PLCG2: variants seen among roughly 807,000 people sequenced by gnomAD.
PLCG2 encodes the protein phospholipase C gamma 2, also known as 1-phosphatidylinositol 4,5-bisphosphate phosphodiesterase gamma-2.
A neutral mutation model predicts 175.6 loss-of-function variants in PLCG2; 69 were observed. That is an observed-to-expected ratio of 0.39 (90% CI 0.32 to 0.48). PLCG2 has a LOEUF of 0.48. PLCG2 is among the 20% of genes least tolerant of loss of function. PLCG2 has a pLI of 0.91. For missense variants in PLCG2, 1,798 were observed against 1,650.9 expected (o/e 1.09, Z -1.54); for synonymous variants, 827 against 624.0 (o/e 1.33, Z -4.85).
rs377701753 is a variant in PLCG2 at position 81,956,752 on chromosome 16, C to T, written c.3628C>T (p.Leu1210=). The change falls in exon 32 of 33, where the codon CTG becomes TTG. Residue 1210 remains leucine, a synonymous_variant. Coordinates refer to ENST00000564138, the MANE Select transcript of PLCG2 (RefSeq NM_002661.5). The part of the protein sequence containing the change: ...CRQLRRRQEE[L]NNQLFLYDTH... ...CCAGCTGAGGAGGCGGCAAGAAGAA[C>T]TGAACAACCAGCTCTTTCTGTATGA... The T allele has an allele frequency of 1.9e-6, 3 of 1,614,050 alleles. No individual in the cohort carries two copies. The highest frequency in any genetic ancestry group is 1.7e-6 in the Non-Finnish European group (2 of 1,180,032).
At chr16:81,796,381 C>T (rs1280174304) in intron 2 of PLCG2, among the ~76,000 whole-genome samples, 3 of 152,346 alleles carry the variant, frequency 2.0e-5, no homozygotes, top group Non-Finnish European at 4.4e-5. Flanking sequence ...CTTTTAAAGC[C>T]AGCACACATG....
intron 31 of PLCG2, among the ~76,000 whole-genome samples, chr16:81,955,340 G>A (rs542008596): frequency 6.6e-6 from 1 of 152,282 alleles, no homozygotes; most frequent in South Asian, 2.1e-4. Flanking sequence ...AGATGTTTTT[G>A]TAGCACAGGA....
chr16:81,780,749 A>T (rs1597314190), intron 1 of PLCG2, among the ~76,000 whole-genome samples: 1 of 152,208 alleles, frequency 6.6e-6, no homozygotes, highest in South Asian at 2.1e-4. Context: ...TTTCTTGGTC[A>T]GGCACGGTGG....
At chr16:81,827,433 C>G (rs1597340736) in intron 2 of PLCG2, among the ~76,000 whole-genome samples, 1 of 152,002 alleles carries the variant, frequency 6.6e-6, no homozygotes, top group African/African-American at 2.4e-5. Flanking sequence ...AAGGAGTTCA[C>G]CTGTCTTGGC....
intron 26 of PLCG2, chr16:81,935,878 T>C: frequency 1.0e-6 from 1 of 985,340 alleles, no homozygotes; most frequent in Non-Finnish European, 1.2e-6. Context: ...TGTACCACTT[T>C]TGTGTTTTCT....
At chr16:81,909,570 C>T (rs970520181) in intron 17 of PLCG2, among the ~76,000 whole-genome samples, 12 of 152,302 alleles carry the variant, frequency 7.9e-5, no homozygotes, top group South Asian at 2.1e-4. Context: ...GCACATGCCA[C>T]GACACCTGAA....
At chr16:81,764,573 A>G (rs1413889287) in intron 2 of PLCG2, among the ~76,000 whole-genome samples, 1 of 152,236 alleles carries the variant, frequency 6.6e-6, no homozygotes, top group Non-Finnish European at 1.5e-5. Flanking sequence ...CAGCCCATGC[A>G]GTTGTCTTTC....
At position 81,958,386 on chromosome 16, in the gene PLCG2, T is replaced by C. The variant is rs187083214; in HGVS notation, c.*388T>C. 1.9e-3 allele frequency: 503 copies of C among 258,192 alleles called. 3 individuals carry two copies. The highest frequency in any genetic ancestry group is 9.7e-3 in the African/African-American group (449 of 46,140). The allele number at this position is 258,192 out of a possible 1,614,324, so 16.0% of individuals were successfully genotyped here. ...TACCTCTAATGATCCAGGTAACTGA[T>C]GTCCATGGAGGATGAGCTGGAAATG... On this transcript the variant is annotated 3_prime_UTR_variant, in exon 33 of 33. Coordinates refer to ENST00000564138, the MANE Select transcript of PLCG2 (RefSeq NM_002661.5).
intron 1 of PLCG2, among the ~76,000 whole-genome samples, chr16:81,751,492 T>C (rs1291555649): frequency 5.9e-5 from 9 of 152,186 alleles, no homozygotes; most frequent in Non-Finnish European, 1.2e-4. Context: ...GGGGAGATGG[T>C]GGTCAAAGCA....
At chr16:81,803,113 CTTTTTTTTTTTTT>C (rs762278218) in intron 2 of PLCG2, among the ~76,000 whole-genome samples, 6 of 131,394 alleles carry the variant, frequency 4.6e-5, no homozygotes, top group African/African-American at 1.4e-4. Context: ...TTGCATTTCA[CTTTTTTTTTTTTT>C]TTTTTTTTGT....
intron 2 of PLCG2, among the ~76,000 whole-genome samples, chr16:81,796,848 C>T (rs1439104912): frequency 1.3e-5 from 2 of 152,212 alleles, no homozygotes; most frequent in Non-Finnish European, 2.9e-5. Context: ...AACTGTGAGA[C>T]AAACTTCTGT....
chr16:81,805,343 T>TA (rs1198026198), intron 2 of PLCG2, among the ~76,000 whole-genome samples: 1 of 150,992 alleles, frequency 6.6e-6, no homozygotes, highest in Non-Finnish European at 1.5e-5. Flanking sequence ...ACTAAAAATA[T>TA]AAAAAATTAG....
chr16:81,872,281 T>C (rs1689543550), intron 7 of PLCG2, among the ~76,000 whole-genome samples: 1 of 152,076 alleles, frequency 6.6e-6, no homozygotes, highest in African/African-American at 2.4e-5. Flanking sequence ...TGAGCCGAGA[T>C]TGCACTACTG....
chr16:81,780,349 A>G (rs1365943896), intron 1 of PLCG2, among the ~76,000 whole-genome samples: 1 of 152,152 alleles, frequency 6.6e-6, no homozygotes, highest in Non-Finnish European at 1.5e-5. Context: ...CTGTTCCACG[A>G]GGTTCGCTGA....
intron 24 of PLCG2, among the ~76,000 whole-genome samples, chr16:81,930,932 C>T (rs1040974021): frequency 6.6e-6 from 1 of 151,954 alleles, no homozygotes; most frequent in Non-Finnish European, 1.5e-5. Context: ...TTAAAATGAA[C>T]ATGTATTGTT....
upstream of PLCG2, among the ~76,000 whole-genome samples, chr16:81,776,255 C>T (rs1910403697): frequency 6.6e-6 from 1 of 150,410 alleles, no homozygotes; most frequent in Admixed American, 6.6e-5. Flanking sequence ...ATTATAGGCA[C>T]CCACCACCAG....
chr16:81,833,617 C>A (rs544672815), intron 2 of PLCG2, among the ~76,000 whole-genome samples: 2 of 151,570 alleles, frequency 1.3e-5, no homozygotes, highest in African/African-American at 4.8e-5. Context: ...GTACCTTCCA[C>A]CTCCTAGGAT....
intron 2 of PLCG2, among the ~76,000 whole-genome samples, chr16:81,790,067 A>C (rs1911162795): frequency 6.6e-6 from 1 of 152,130 alleles, no homozygotes; most frequent in Non-Finnish European, 1.5e-5. Context: ...TAATTCCCTT[A>C]TCTGTGGACT....
intron 2 of PLCG2, among the ~76,000 whole-genome samples, chr16:81,769,236 C>T (rs564023462): frequency 3.3e-5 from 5 of 152,336 alleles, no homozygotes; most frequent in African/African-American, 9.6e-5. Flanking sequence ...CTTACCATTA[C>T]GTCTAATATC....
Sources: allele counts gnomAD v4.1 joint callset (sites outside exome capture counted in the v4.1 genomes callset), GRCh38; gene constraint gnomAD v4.1.1; transcripts MANE v1.5; gene names NCBI Gene and HGNC (gene_info 2026-07-23, HGNC 2026-07-21).